Variants in HINT2 observed in about 807,000 individuals in gnomAD.
HINT2 encodes the protein histidine triad nucleotide binding protein 2, also known as adenosine 5'-monophosphoramidase HINT2.
A neutral mutation model predicts 20.0 loss-of-function variants in HINT2; 17 were observed. The observed-to-expected ratio is 0.85, with a 90% CI of 0.58 to 1.27. The LOEUF is 1.27. Ranked by LOEUF, HINT2 falls within the 50% of genes most tolerant of loss-of-function variation. HINT2 has a pLI of 0.00. For missense variants in HINT2, 217 were observed against 211.9 expected (o/e 1.02, Z -0.15); for synonymous variants, 96 against 84.2 (o/e 1.14, Z -0.77).
At chr9:35,814,830 G>A in intron 1 of HINT2, 69 bp downstream of exon 1, 2 of 1,347,656 alleles carry the variant, frequency 1.5e-6, no homozygotes, top group Non-Finnish European at 9.8e-7. Context: ...GCGCGCCTTC[G>A]GGACCCCCTG....
Position 35,813,063 on chromosome 9 carries a change from A to C in HINT2, c.483T>G (p.Pro161=). ...HVLGGRQLQW[P]PG is the part of the protein sequence containing the mutation. ...TAATCAGTTGGCAGGTTCAACCTGG[A>C]GGCCACTGGAGCTGCCGGCCCCCAA... Residue 161 remains proline, a synonymous_variant, in exon 5 of 5, where the codon CCT becomes CCG. Coordinates refer to ENST00000259667, the MANE Select transcript of HINT2 (RefSeq NM_032593.3). The C allele has an allele frequency of 6.2e-7, 1 of 1,613,752 alleles. No homozygotes were observed. Among genetic ancestry groups the C allele is most frequent in the Non-Finnish European group, 8.5e-7 (1 of 1,179,616 alleles).
chr9:35,813,378 A>G, intron 3 of HINT2, 40 bp from the exon 4 acceptor site: 2 of 1,610,026 alleles, frequency 1.2e-6, no homozygotes, highest in Non-Finnish European at 1.7e-6. Flanking sequence ...CTTCATTCAT[A>G]GGGAGCAAGA....
intron 1 of HINT2, 39 bp downstream of exon 1, chr9:35,814,860 C>T (rs749688731): frequency 2.7e-6 from 4 of 1,463,176 alleles, no homozygotes; most frequent in Middle Eastern, 4.2e-4. Flanking sequence ...GGCTTCGGAG[C>T]CCGCAGGACC....
At position 35,813,903 on chromosome 9, in the gene HINT2, A is replaced by T. The variant is rs1828938104; in HGVS notation, c.82-119T>A. On this transcript the variant is annotated intron_variant, in intron 1 of 4. Transcript: ENST00000259667. ...TTCCCACCCAGGAGGAAAGTTCCTGAATTTCAGAGCACCAGCAGCAAAGGG... is the reference window on the plus strand; with the variant it reads ...TTCCCACCCAGGAGGAAAGTTCCTGTATTTCAGAGCACCAGCAGCAAAGGG... 2.6e-6 allele frequency: 3 copies of T among 1,168,210 alleles called. No individual in the cohort carries two copies. In the South Asian group the frequency reaches 4.7e-5, roughly 18 times the overall value. 72.4% of individuals were successfully genotyped at this position (1,168,210 alleles called of 1,614,324 possible). A position where few individuals can be genotyped will look rare whatever the true frequency, so the allele number is the denominator to read the frequency against.
rs187028115 is a variant in HINT2, at chr9:35,813,570, G to A, written c.223-21C>T. Reference sequence around the variant, plus strand: ...AGACACTGGGGGAAGTGACAGGCCAGAGGCCACGTTACTTCAACAGGTTGG... The same window carrying A: ...AGACACTGGGGGAAGTGACAGGCCAAAGGCCACGTTACTTCAACAGGTTGG... On this transcript the variant is annotated intron_variant, in intron 2 of 4. Coordinates refer to ENST00000259667, the MANE Select transcript of HINT2 (RefSeq NM_032593.3). 3.9e-5 allele frequency: 63 copies of A among 1,613,924 alleles called. No individual in the cohort carries two copies. In the African/African-American group the frequency reaches 7.5e-4, roughly 19 times the overall value.
chr9:35,815,070 T>C (rs1168538220), upstream of HINT2: 20 of 1,203,468 alleles, frequency 1.7e-5, no homozygotes, highest in Non-Finnish European at 2.2e-5. Context: ...GGAAGCGGGG[T>C]AGTGGCGGCC....
chr9:35,813,814 G>C (rs1014937763), intron 1 of HINT2, 30 bp from the exon 2 acceptor site: 1 of 1,591,960 alleles, frequency 6.3e-7, no homozygotes, highest in African/African-American at 1.3e-5. Flanking sequence ...ATTCAAAGGA[G>C]GGAGCTGGCA....
intron 4 of HINT2, 34 bp downstream of exon 4, chr9:35,813,232 A>G (rs375271030): frequency 3.7e-6 from 6 of 1,613,292 alleles, no homozygotes; most frequent in Non-Finnish European, 5.1e-6. Context: ...ATGAGAATTC[A>G]TAGGTGAGGG....
intron 1 of HINT2, 125 bp from the exon 2 acceptor site, chr9:35,813,909 A>C: frequency 9.0e-7 from 1 of 1,115,030 alleles, no homozygotes; most frequent in Non-Finnish European, 1.3e-6. Context: ...CCTGAATTTC[A>C]GAGCACCAGC....
chr9:35,813,868 C>A, intron 1 of HINT2, 84 bp from the exon 2 acceptor site: 2 of 1,446,282 alleles, frequency 1.4e-6, no homozygotes, highest in Middle Eastern at 2.5e-4. Flanking sequence ...TTCTAATAAC[C>A]TATTCATCGT....
chr9:35,814,823 C>T (rs1188288760), intron 1 of HINT2, 76 bp downstream of exon 1: 2 of 1,283,354 alleles, frequency 1.6e-6, no homozygotes, highest in Non-Finnish European at 2.1e-6. Context: ...CGGCTCTGCG[C>T]GCCTTCGGGA....
In HINT2 at chr9:35,814,585, CAAG is replaced by C. The variant is rs3834891; in HGVS notation, c.81+311_81+313del. 414 of 357,854 alleles carry C rather than the reference CAAG, an allele frequency of 1.2e-3. 12 individuals are homozygous for C. In the East Asian group the frequency reaches 0.02, roughly 17 times the overall value. The allele number at this position is 357,854 out of a possible 1,614,324, so 22.2% of individuals were successfully genotyped here. On this transcript the variant is annotated intron_variant, in intron 1 of 4. Transcript: ENST00000259667. Reference sequence around the variant, plus strand: ...CCTGAGGAGGGCAGAGCACTGGCTCCAAGAAGAGAAAGCTCATTTCCTGCAGGG... The same window carrying C: ...CCTGAGGAGGGCAGAGCACTGGCTCCAAGAGAAAGCTCATTTCCTGCAGGG...
Position 35,814,906 on chromosome 9 carries a change from C to T in HINT2, c.74G>A (p.Gly25Glu). The change falls in exon 1 of 5, where the codon GGG becomes GAG. Residue 25 changes from glycine to glutamate, a missense_variant. By Grantham distance (98) the Gly-to-Glu change is moderately conservative. Transcript: ENST00000259667. Reference sequence around the variant, plus strand: ...TCCCGCGCCACTTCTCACCTGCCCCCCGCGCACCCCCGTGGCCGCCACGGC... The same window carrying T: ...TCCCGCGCCACTTCTCACCTGCCCCTCGCGCACCCCCGTGGCCGCCACGGC... ...RRAVAATGVRGGQVRGAAGVT... is the reference protein window; with the variant it reads ...RRAVAATGVREGQVRGAAGVT... 2 of 1,487,886 alleles carry T rather than the reference C, an allele frequency of 1.3e-6. No homozygotes were observed. The highest frequency in any genetic ancestry group is 1.8e-6 in the Non-Finnish European group (2 of 1,126,570). The allele number at this position is 1,487,886 out of a possible 1,614,324, so 92.2% of individuals were successfully genotyped here.
At chr9:35,813,365 T>G (rs1461056075) in intron 3 of HINT2, 27 bp from the exon 4 acceptor site, 1 of 1,611,230 alleles carries the variant, frequency 6.2e-7, no homozygotes, top group Non-Finnish European at 8.5e-7. Flanking sequence ...GGGACATAGG[T>G]GGCTTCATTC....
upstream of HINT2, chr9:35,815,385 A>G (rs1053105081): frequency 2.5e-5 from 4 of 162,220 alleles, no homozygotes; most frequent in Non-Finnish European, 5.4e-5. Flanking sequence ...GCGGCTCCCG[A>G]GTGGGTGGTT....
Position 35,813,007 on chromosome 9 carries a change from T to C in HINT2, c.*47A>G, listed in dbSNP as rs905526304. On this transcript the variant is annotated 3_prime_UTR_variant, in exon 5 of 5. Transcript: ENST00000259667. ...GCATCACAGGGTCCATTTTTCCCTT[T>C]CCATCCAAGCATCCAGAGTCTGGTG... The C allele has an allele frequency of 2.1e-6, 3 of 1,462,868 alleles. No homozygotes were observed. The African/African-American group carries it at 4.2e-5, about 20-fold the overall frequency. The allele number at this position is 1,462,868 out of a possible 1,614,324, so 90.6% of individuals were successfully genotyped here.
intron 1 of HINT2, 42 bp downstream of exon 1, chr9:35,814,857 G>GA: frequency 6.8e-7 from 1 of 1,460,676 alleles, no homozygotes; most frequent in Non-Finnish European, 9.0e-7. Context: ...GATGGCTTCG[G>GA]AGCCCGCAGG....
upstream of HINT2, chr9:35,815,113 T>A: frequency 1.2e-6 from 1 of 805,066 alleles, no homozygotes; most frequent in Non-Finnish European, 1.8e-6. Context: ...GGAGCGCGCC[T>A]CTGAGCACGA....
At chr9:35,813,411 C>T (rs1301746899) in intron 3 of HINT2, 34 bp downstream of exon 3, 2 of 1,611,082 alleles carry the variant, frequency 1.2e-6, no homozygotes, top group Non-Finnish European at 1.7e-6. Flanking sequence ...TCCAGGGGCT[C>T]CTCCCAGCCA....
Sources: gnomAD v4.1 joint callset for allele counts on GRCh38, gnomAD v4.1.1 for gene constraint, MANE v1.5 for transcripts, NCBI Gene and HGNC (gene_info 2026-07-23, HGNC 2026-07-21) for gene names.